Variants in TENM2 observed in about 807,000 individuals in gnomAD.
The protein encoded by TENM2 is teneurin transmembrane protein 2.
In TENM2, 52 loss-of-function variants were observed where a neutral mutation model predicts 245.2. The ratio of observed to expected loss-of-function variants is 0.21; its 90% CI spans 0.17 to 0.27. The LOEUF is 0.27. TENM2 is among the 10% of genes least tolerant of loss of function. The pLI is 1.00. For missense variants in TENM2, 3,046 were observed against 3,666.8 expected (o/e 0.83, Z 4.37); for synonymous variants, 1,363 against 1,438.9 (o/e 0.95, Z 1.19).
intron 2 of TENM2, among the ~76,000 whole-genome samples, chr5:167,696,120 T>C (rs1359298354): frequency 2.0e-5 from 3 of 152,016 alleles, no homozygotes; most frequent in African/African-American, 4.8e-5. Flanking sequence ...AGGTGATACA[T>C]GGCTATGATG....
chr5:167,364,555 A>G lies in TENM2; in HGVS notation c.227-10643A>G, dbSNP rs187672105. ...AAGACCTAATTATATGCTGGCTACA[A>G]AAGGCATATGTCAAATGTAAAGACA... On this transcript the variant is annotated intron_variant, in intron 1 of 28. Coordinates refer to ENST00000518659, the Ensembl canonical transcript of TENM2. Among the ~76,000 whole-genome samples, 443 of 152,258 alleles carry G rather than the reference A, an allele frequency of 2.9e-3. 4 individuals carry two copies. The highest frequency in any genetic ancestry group is 7.0e-3 in the Admixed American group (107 of 15,294).
At position 168,218,602 on chromosome 5, in the gene TENM2, A is replaced by G; in HGVS notation, c.4711A>G (p.Ser1571Gly). The change falls in exon 23 of 29, where the codon AGC becomes GGC. Residue 1571 changes from serine to glycine, a missense_variant. This residue lies in a region of TENM2 where 2,704 missense variants were observed against 3,331.9 expected (regional missense o/e 0.81). Coordinates refer to ENST00000518659, the Ensembl canonical transcript of TENM2. This position sits in a 1 kb window ranked among gnomAD's most constrained non-coding sequence, Gnocchi z 5.2. ...TGGAAATATTCGGATCAGGGCGGTC[A>G]GCAAGAACAAGCCTGTTCTTAATGC... The G allele has an allele frequency of 6.2e-7, 1 of 1,614,052 alleles. No individual in the cohort carries two copies.
At chr5:167,757,737 A>G (rs1762401903) in intron 2 of TENM2, among the ~76,000 whole-genome samples, 1 of 152,126 alleles carries the variant, frequency 6.6e-6, no homozygotes, top group South Asian at 2.1e-4. Context: ...GTTTCTCCAC[A>G]TCCTTTCCAG....
intron 3 of TENM2, among the ~76,000 whole-genome samples, chr5:167,913,923 A>G (rs561144292): frequency 6.6e-6 from 1 of 152,260 alleles, no homozygotes; most frequent in East Asian, 1.9e-4. Context: ...GAGGATTAGA[A>G]GAGACCATGT....
At chr5:167,180,103 C>CTTTTTTTT in the TENM2 span, among the ~76,000 whole-genome samples, 12 of 114,958 alleles carry the variant, frequency 1.0e-4, no homozygotes, top group African/African-American at 4.2e-4. Flanking sequence ...TAAGTGCTTC[C>CTTTTTTTT]TTTTTTTTTT....
the TENM2 span, among the ~76,000 whole-genome samples, chr5:167,233,120 A>T: frequency 6.6e-6 from 1 of 152,280 alleles, no homozygotes; most frequent in South Asian, 2.1e-4. Flanking sequence ...GTGGAGGGAG[A>T]TCATTACTAT....
chr5:167,863,130 G>C (rs1418291636), intron 2 of TENM2, among the ~76,000 whole-genome samples: 1 of 152,204 alleles, frequency 6.6e-6, no homozygotes, highest in Non-Finnish European at 1.5e-5. Flanking sequence ...TTGCTCATCT[G>C]TAAAATAGGG....
intron 5 of TENM2, among the ~76,000 whole-genome samples, chr5:168,036,821 TA>T (rs932337133): frequency 1.3e-5 from 2 of 151,252 alleles, no homozygotes; most frequent in African/African-American, 4.9e-5. Flanking sequence ...AGTCTACTTG[TA>T]TCACTTATCT....
chr5:167,601,896 C>A (rs1289681244), intron 2 of TENM2, among the ~76,000 whole-genome samples: 3 of 151,480 alleles, frequency 2.0e-5, no homozygotes, highest in African/African-American at 7.3e-5. Context: ...TAGAGTACAT[C>A]TATTGCTTAA....
chr5:168,232,670 A>C (rs987484990), intron 25 of TENM2, among the ~76,000 whole-genome samples: 1 of 152,150 alleles, frequency 6.6e-6, no homozygotes, highest in African/African-American at 2.4e-5. Context: ...TTTAGAGAAG[A>C]CCAACAATCT....
chr5:167,301,983 G>A (rs1235518895), intron 1 of TENM2, among the ~76,000 whole-genome samples: 1 of 152,020 alleles, frequency 6.6e-6, no homozygotes, highest in Non-Finnish European at 1.5e-5. Flanking sequence ...GAGATCAGAT[G>A]GGTCTGTAGA....
intron 2 of TENM2, among the ~76,000 whole-genome samples, chr5:167,387,040 G>A (rs1035551925): frequency 2.6e-5 from 4 of 152,140 alleles, no homozygotes; most frequent in African/African-American, 7.2e-5. Context: ...CTAATTCAGT[G>A]AAGAATCATG....
At chr5:166,988,180 A>C in the TENM2 span, among the ~76,000 whole-genome samples, 1 of 152,188 alleles carries the variant, frequency 6.6e-6, no homozygotes, top group African/African-American at 2.4e-5. Flanking sequence ...GCTCTTGATT[A>C]GAGCTCATTT....
At chr5:168,058,664 A>G (rs1352390068) in intron 6 of TENM2, among the ~76,000 whole-genome samples, 1 of 152,190 alleles carries the variant, frequency 6.6e-6, no homozygotes, top group African/African-American at 2.4e-5. Context: ...AGAGAGCTAG[A>G]TATATACAAA....
chr5:167,107,091 CA>C, the TENM2 span, among the ~76,000 whole-genome samples: 16,826 of 68,900 alleles, frequency 0.24, 1,291 homozygotes, highest in Admixed American at 0.33. Context: ...CTAAAAAATA[CA>C]AAAAAAAAAA....
intron 2 of TENM2, among the ~76,000 whole-genome samples, chr5:167,500,232 GCC>G (rs1769121255): frequency 6.6e-6 from 1 of 152,030 alleles, no homozygotes; most frequent in African/African-American, 2.4e-5. Context: ...GAGTTGAAGG[GCC>G]TTTGTTGTCT....
intron 2 of TENM2, among the ~76,000 whole-genome samples, chr5:167,382,501 G>A (rs568579551): frequency 1.3e-5 from 2 of 152,140 alleles, no homozygotes; most frequent in Non-Finnish European, 2.9e-5. Flanking sequence ...GATAGCCAAG[G>A]AACATTCAGG....
chr5:167,113,514 G>A, the TENM2 span, among the ~76,000 whole-genome samples: 2 of 151,842 alleles, frequency 1.3e-5, no homozygotes, highest in African/African-American at 4.8e-5. Flanking sequence ...ATGGTGGCAT[G>A]CACCTGTAGT....
chr5:167,074,793 T>C, the TENM2 span, among the ~76,000 whole-genome samples: 2 of 152,248 alleles, frequency 1.3e-5, no homozygotes, highest in South Asian at 4.1e-4. Context: ...TAGGATTGTA[T>C]TGTGCTTTCC....
Sources: allele counts gnomAD v4.1 joint callset (sites outside exome capture counted in the v4.1 genomes callset), GRCh38; gene constraint gnomAD v4.1.1; regional missense constraint gnomAD v4.1.1; non-coding constraint Gnocchi (gnomAD v3.1); transcripts MANE v1.5; gene names NCBI Gene and HGNC (gene_info 2026-07-23, HGNC 2026-07-21).